The following OPRM1 variants were observed in gnomAD, a reference collection of about 807,000 sequenced individuals.
The protein encoded by OPRM1 is opioid receptor mu 1.
In OPRM1, 27 loss-of-function variants were observed where a neutral mutation model predicts 31.8. The observed-to-expected ratio is 0.85, with a 90% CI of 0.63 to 1.17. The LOEUF (loss-of-function observed/expected upper bound fraction) is 1.17. Among genes scored for constraint, OPRM1 ranks in the 50% most tolerant of loss-of-function variants. The pLI, the probability that OPRM1 is intolerant of heterozygous loss-of-function variation, is 0.00. For synonymous variants in OPRM1, 196 were observed against 189.9 expected (o/e 1.03, Z -0.26); for missense variants, 536 against 511.1 (o/e 1.05, Z -0.47).
At chr6:154,019,839 T>C (rs1258764490) in intron 1 of OPRM1, among the ~76,000 whole-genome samples, 1 of 145,468 alleles carries the variant, frequency 6.9e-6, no homozygotes, top group Non-Finnish European at 1.5e-5. Flanking sequence ...GCTCAAGCAA[T>C]CCCCCCATCT....
chr6:154,241,234 C>CAAAAAAA (rs11308882), intron 3 of OPRM1, among the ~76,000 whole-genome samples: 1 of 79,210 alleles, frequency 1.3e-5, no homozygotes. Flanking sequence ...GACTCCATCT[C>CAAAAAAA]AAAAAAAAAA....
At chr6:154,180,046 G>A (rs780856538) in intron 3 of OPRM1, among the ~76,000 whole-genome samples, 1 of 152,178 alleles carries the variant, frequency 6.6e-6, no homozygotes, top group Non-Finnish European at 1.5e-5. Context: ...GGAAGAGAAA[G>A]CAACTAGAGT....
At chr6:154,036,639 G>A (rs528883400), upstream of OPRM1, among the ~76,000 whole-genome samples, 1 of 151,920 alleles carries the variant, frequency 6.6e-6, no homozygotes, top group Non-Finnish European at 1.5e-5. Context: ...AGACTATATT[G>A]AGTCAAAAAG....
At chr6:154,133,213 T>C (rs1797974859), downstream of OPRM1, among the ~76,000 whole-genome samples, 1 of 152,230 alleles carries the variant, frequency 6.6e-6, no homozygotes, top group Non-Finnish European at 1.5e-5. Flanking sequence ...CAAGGGCCTT[T>C]TGAAAAGAAA....
At position 154,119,221 on chromosome 6, in the gene OPRM1, A is replaced by G. The variant is rs1797172372; in HGVS notation, c.*500A>G. 1 of 985,824 alleles carries G rather than the reference A, an allele frequency of 1.0e-6. No individual in the cohort carries two copies. Among genetic ancestry groups the G allele is most frequent in the East Asian group, 1.1e-4 (1 of 8,830 alleles). 61.1% of individuals were successfully genotyped at this position (985,824 alleles called of 1,614,324 possible). A position where few individuals can be genotyped will look rare whatever the true frequency, so the allele number is the denominator to read the frequency against. ...TATTTTAGACTTTTAACTTCACCTT[A>G]AAATTAGCATCTGGCTAAGGCATCA... On this transcript the variant is annotated 3_prime_UTR_variant, in exon 4 of 4. Transcript: ENST00000330432.
At chr6:154,221,602 G>A (rs759786919) in intron 3 of OPRM1, among the ~76,000 whole-genome samples, 5 of 152,190 alleles carry the variant, frequency 3.3e-5, no homozygotes, top group Admixed American at 6.5e-5. Flanking sequence ...GGCCGGGCAC[G>A]GTGGCTCACG....
Position 154,124,225 on chromosome 6 carries a change from T to C in OPRM1, c.*5504T>C, listed in dbSNP as rs1797459717. On this transcript the variant is annotated 3_prime_UTR_variant, in exon 4 of 4. Coordinates refer to ENST00000330432, the MANE Select transcript of OPRM1 (RefSeq NM_000914.5). Reference sequence around the variant, plus strand: ...TTAAGAGCTCGGAAATCATTAAAATTAAGTTTATCAATTTTTGAAAGCATC... The same window carrying C: ...TTAAGAGCTCGGAAATCATTAAAATCAAGTTTATCAATTTTTGAAAGCATC... 6.6e-6 allele frequency among the ~76,000 whole-genome samples: 1 copy of C among 152,234 alleles called. No homozygotes were observed.
rs1032859995 is a variant in OPRM1 at position 154,159,748 on chromosome 6, T to C, written c.1164+68276T>C. On this transcript the variant is annotated intron_variant, in intron 3 of 3. Transcript: ENST00000337049. The stretch of plus-strand genomic sequence containing the variant: ...AAGGACTGGGTTTCAGTTTTCCTTT[T>C]AAGGAAAAATGTAAGCTTTTGCAAC... 8 of 1,138,282 alleles carry C rather than the reference T, an allele frequency of 7.0e-6. No homozygotes were observed. The South Asian group carries it at 1.1e-4, about 16-fold the overall frequency. The allele number at this position is 1,138,282 out of a possible 1,614,324, so 70.5% of individuals were successfully genotyped here.
At chr6:154,099,272 G>A (rs145280748) in intron 3 of OPRM1, among the ~76,000 whole-genome samples, 227 of 145,762 alleles carry the variant, frequency 1.6e-3, no homozygotes, top group African/African-American at 5.7e-3. Flanking sequence ...GCAACTGAAT[G>A]AGAGTCTGTC....
intron 1 of OPRM1, among the ~76,000 whole-genome samples, chr6:154,076,720 A>C (rs570414300): frequency 6.6e-6 from 1 of 152,210 alleles, no homozygotes; most frequent in East Asian, 1.9e-4. Context: ...CTTTTTTATA[A>C]ACTACAAATC....
intron 3 of OPRM1, among the ~76,000 whole-genome samples, chr6:154,143,627 T>A (rs1457725362): frequency 1.3e-5 from 2 of 152,154 alleles, no homozygotes; most frequent in Non-Finnish European, 2.9e-5. Flanking sequence ...TGTTAAAAAT[T>A]TAGTTGCCTT....
intron 3 of OPRM1, among the ~76,000 whole-genome samples, chr6:154,096,901 T>C (rs1202913423): frequency 1.3e-5 from 2 of 152,218 alleles, no homozygotes; most frequent in African/African-American, 4.8e-5. Context: ...TTATAGTTTG[T>C]TATGTGAGGG....
At position 154,090,974 on chromosome 6, in the gene OPRM1, A is replaced by T. The variant is rs746998918; in HGVS notation, c.666A>T (p.Thr222=). The part of the protein sequence containing the change: ...YRQGSIDCTL[T]FSHPTWYWEN... ...TAGGTTCCATAGATTGTACACTAAC[A>T]TTCTCTCATCCAACCTGGTACTGGG... The change falls in exon 3 of 4, where the codon ACA becomes ACT. Residue 222 remains threonine (T), a synonymous_variant. Transcript: ENST00000330432. 4 of 1,613,884 alleles carry T rather than the reference A, an allele frequency of 2.5e-6. No homozygotes were observed. In the South Asian group the frequency reaches 4.4e-5, roughly 18 times the overall value.
chr6:154,104,329 T>C (rs1169474118), intron 3 of OPRM1, among the ~76,000 whole-genome samples: 2 of 152,214 alleles, frequency 1.3e-5, no homozygotes, highest in East Asian at 3.8e-4. Flanking sequence ...ATAATAGGAA[T>C]ATATTCCAAA....
In OPRM1 at chr6:154,128,649, G is replaced by A. The variant is rs1396406677; in HGVS notation, c.*9928G>A. Among the ~76,000 whole-genome samples the A allele has an allele frequency of 1.3e-5, 2 of 152,192 alleles. No homozygotes were observed. The highest frequency in any genetic ancestry group is 4.8e-5 in the African/African-American group (2 of 41,452). On this transcript the variant is annotated 3_prime_UTR_variant, in exon 4 of 4. Transcript: ENST00000330432. ...TGTTTTATCATTGATCCTGAAGACA[G>A]TTGAAGCAATCATACTGGTTGTTCT...
In OPRM1 at chr6:154,132,114, G is replaced by A. The variant is rs1332835066; in HGVS notation, c.*13393G>A. ...AAAGAACTACCTGCTAAATCATAAT[G>A]GTCTCATGTGCAGATCAAAATGTCA... On this transcript the variant is annotated 3_prime_UTR_variant, in exon 4 of 4. Coordinates refer to ENST00000330432, the MANE Select transcript of OPRM1 (RefSeq NM_000914.5). 6.6e-6 allele frequency among the ~76,000 whole-genome samples: 1 copy of A among 151,966 alleles called. No homozygotes were observed. The highest frequency in any genetic ancestry group is 1.9e-4 in the East Asian group (1 of 5,180).
At position 154,228,160 on chromosome 6, in the gene OPRM1, C is replaced by T. The variant is rs189451288; in HGVS notation, c.1165-18533C>T. ...GGGATCCTTCTTCTTCAATTCCTAA[C>T]TTTCTAAAAAGTTTCCTGCAGGCAG... On this transcript the variant is annotated intron_variant, in intron 3 of 3. Coordinates refer to the OPRM1 transcript ENST00000337049. 2.7e-3 allele frequency among the ~76,000 whole-genome samples: 407 copies of T among 152,062 alleles called. 4 individuals carry two copies. The highest frequency in any genetic ancestry group is 0.024 in the Admixed American group (359 of 15,274).
chr6:154,065,962 A>C (rs1026976793), intron 1 of OPRM1, among the ~76,000 whole-genome samples: 1 of 152,056 alleles, frequency 6.6e-6, no homozygotes, highest in Non-Finnish European at 1.5e-5. Flanking sequence ...GATTGTTTTG[A>C]GTATTTTATC....
chr6:154,068,131 G>A (rs1032227213), intron 1 of OPRM1, among the ~76,000 whole-genome samples: 1 of 151,790 alleles, frequency 6.6e-6, no homozygotes, highest in Non-Finnish European at 1.5e-5. Flanking sequence ...ACAAGTAATC[G>A]ATGTAAATTT....
Sources: gnomAD v4.1 joint callset for allele counts (sites outside exome capture counted in the v4.1 genomes callset) on GRCh38, gnomAD v4.1.1 for gene constraint, MANE v1.5 for transcripts, NCBI Gene and HGNC (gene_info 2026-07-23, HGNC 2026-07-21) for gene names.